Variants in DOCK9 observed in about 807,000 individuals in gnomAD.
DOCK9 encodes the protein dedicator of cytokinesis protein 9.
Under a neutral mutation model 263.3 loss-of-function variants are expected in DOCK9, and 89 were observed. The observed-to-expected ratio is 0.34, with a 90% confidence interval of 0.28 to 0.40. The LOEUF is 0.40. Ranked by LOEUF, DOCK9 falls within the 10% of genes least tolerant of loss-of-function variation. The probability of loss-of-function intolerance (pLI) is 1.00; values close to 1 mark genes in which losing one functional copy is unlikely to be tolerated. For missense variants in DOCK9, 2,140 were observed against 2,603.4 expected (o/e 0.82, Z 3.87); for synonymous variants, 976 against 973.1 (o/e 1.00, Z -0.06).
intron 1 of DOCK9, among the ~76,000 whole-genome samples, chr13:98,990,474 A>C (rs560098267): frequency 6.6e-6 from 1 of 152,340 alleles, no homozygotes; most frequent in Non-Finnish European, 1.5e-5. Flanking sequence ...GTTAAATAAC[A>C]CGTTCCCCAA....
chr13:98,998,327 C>G (rs1440197884), intron 1 of DOCK9, among the ~76,000 whole-genome samples: 1 of 152,200 alleles, frequency 6.6e-6, no homozygotes, highest in Non-Finnish European at 1.5e-5. Flanking sequence ...AAGATGCAAA[C>G]TCTGCTCACC....
At chr13:98,961,697 T>C (rs910145707) in intron 1 of DOCK9, among the ~76,000 whole-genome samples, 7 of 152,180 alleles carry the variant, frequency 4.6e-5, no homozygotes, top group Admixed American at 4.6e-4. Context: ...CTGAGTCTTG[T>C]TATCTTTGCC....
At chr13:98,806,865 C>G (rs111242702) in intron 48 of DOCK9, among the ~76,000 whole-genome samples, 2,162 of 150,832 alleles carry the variant, frequency 0.014, 28 homozygotes, top group Admixed American at 0.025. Context: ...GCTGAGATAG[C>G]GCCACTGCAC....
chr13:98,921,968 C>T (rs564564367), intron 6 of DOCK9, 83 bp downstream of exon 6: 28 of 1,152,138 alleles, frequency 2.4e-5, no homozygotes, highest in South Asian at 4.3e-5. Context: ...GAACAGCATG[C>T]GCATTCATCT....
At chr13:99,006,033 C>A (rs1883282435) in intron 1 of DOCK9, among the ~76,000 whole-genome samples, 1 of 152,064 alleles carries the variant, frequency 6.6e-6, no homozygotes, top group Non-Finnish European at 1.5e-5. Flanking sequence ...ATGGAAGAAA[C>A]CACAGAGGAA....
intron 38 of DOCK9, chr13:98,845,424 A>G: frequency 8.1e-7 from 1 of 1,236,464 alleles, no homozygotes; most frequent in Non-Finnish European, 1.1e-6. Context: ...CCACACCCTC[A>G]CAAATTGATT....
In DOCK9 at chr13:98,892,427, A is replaced by G. The variant is rs150068180; in HGVS notation, c.1710-3716T>C. 1.7e-3 allele frequency among the ~76,000 whole-genome samples: 258 copies of G among 151,898 alleles called. 1 individual carries two copies. The highest frequency in any genetic ancestry group is 5.9e-3 in the African/African-American group (246 of 41,450). ...GCAATACAGGTATGTTTGGACTGCTATTGGTGGTGAGTTTAATCTTCTAAC... is the reference window on the plus strand; with the variant it reads ...GCAATACAGGTATGTTTGGACTGCTGTTGGTGGTGAGTTTAATCTTCTAAC... On this transcript the variant is annotated intron_variant, in intron 15 of 52. Coordinates refer to ENST00000682017, the MANE Select transcript of DOCK9 (RefSeq NM_001366683.2).
chr13:99,055,033 C>G (rs779724906), intron 1 of DOCK9, among the ~76,000 whole-genome samples: 2 of 152,174 alleles, frequency 1.3e-5, no homozygotes, highest in Non-Finnish European at 2.9e-5. Context: ...ATTGCCTCAT[C>G]CACTTTTTTT....
At chr13:98,967,965 A>G (rs562710984) in intron 1 of DOCK9, among the ~76,000 whole-genome samples, 6 of 130,150 alleles carry the variant, frequency 4.6e-5, no homozygotes, top group African/African-American at 1.3e-4. Flanking sequence ...TTTTTCCTAC[A>G]GAAAAAAAAA....
chr13:98,915,600 A>G, intron 7 of DOCK9, 97 bp from the exon 8 acceptor site: 1 of 1,215,692 alleles, frequency 8.2e-7, no homozygotes, highest in Non-Finnish European at 1.1e-6. Context: ...TCTCATTGGC[A>G]TTTAGAACCA....
At chr13:98,982,563 A>G (rs9557109), upstream of DOCK9, among the ~76,000 whole-genome samples, 26,556 of 152,228 alleles carry the variant, frequency 0.17, 3,082 homozygotes, top group East Asian at 0.43. Flanking sequence ...CACTGAGGGC[A>G]GGGACTGTAT....
At chr13:98,890,816 G>A (rs1419040903) in intron 15 of DOCK9, among the ~76,000 whole-genome samples, 22 of 152,172 alleles carry the variant, frequency 1.4e-4, no homozygotes, top group Non-Finnish European at 2.9e-5. Context: ...AGACGATGTT[G>A]AGAAGATCCA....
At chr13:98,936,576 GGCCACTGTACTACA>G (rs2054863989) in intron 2 of DOCK9, among the ~76,000 whole-genome samples, 1 of 151,080 alleles carries the variant, frequency 6.6e-6, no homozygotes, top group Non-Finnish European at 1.5e-5. Context: ...GCTGTGACTA[GGCCACTGTACTACA>G]GCCTGGGTGA....
chr13:98,820,736 G>C (rs1383288390), intron 45 of DOCK9: 1 of 392,894 alleles, frequency 2.5e-6, no homozygotes, highest in East Asian at 8.4e-5. Flanking sequence ...TTCTTCTCCA[G>C]ATATTGAGAT....
intron 33 of DOCK9, chr13:98,856,851 G>A (rs1476680118): frequency 6.6e-6 from 1 of 152,152 alleles, no homozygotes; most frequent in Non-Finnish European, 1.5e-5. Context: ...TTTCAGCCTA[G>A]GGATGCCACG....
intron 1 of DOCK9, among the ~76,000 whole-genome samples, chr13:99,052,441 C>T (rs1216651909): frequency 6.6e-6 from 1 of 152,228 alleles, no homozygotes; most frequent in African/African-American, 2.4e-5. Context: ...GTACAGACCA[C>T]ACTCCGTATC....
intron 1 of DOCK9, among the ~76,000 whole-genome samples, chr13:99,055,726 T>C (rs1177176411): frequency 6.6e-6 from 1 of 152,024 alleles, no homozygotes; most frequent in East Asian, 1.9e-4. Flanking sequence ...TTGCACACAG[T>C]TGTCAACTGT....
At chr13:98,920,508 CA>C (rs1442738686) in intron 7 of DOCK9, among the ~76,000 whole-genome samples, 5 of 152,158 alleles carry the variant, frequency 3.3e-5, no homozygotes, top group Admixed American at 1.3e-4. Context: ...AGTGGAGGAG[CA>C]GGGATTTGAA....
intron 1 of DOCK9, among the ~76,000 whole-genome samples, chr13:99,077,960 AGTG>A (rs951872557): frequency 4.5e-4 from 68 of 152,310 alleles, no homozygotes; most frequent in African/African-American, 1.6e-3. Context: ...TAACGAATGT[AGTG>A]GTTCTTGAAT....
Sources: allele counts gnomAD v4.1 joint callset (sites outside exome capture counted in the v4.1 genomes callset), GRCh38; gene constraint gnomAD v4.1.1; transcripts MANE v1.5; gene names NCBI Gene and HGNC (gene_info 2026-07-23, HGNC 2026-07-21).